The following FNBP1L variants were observed in gnomAD, a reference collection of about 807,000 sequenced individuals.
The protein encoded by FNBP1L is formin binding protein 1 like.
A neutral mutation model predicts 91.2 loss-of-function variants in FNBP1L; 36 were observed. That is an observed-to-expected ratio of 0.39 (90% confidence interval 0.30 to 0.52). The LOEUF is 0.52. FNBP1L is among the 20% of genes least tolerant of loss of function. The probability of loss-of-function intolerance (pLI) is 0.66; values close to 1 mark genes in which losing one functional copy is unlikely to be tolerated. For synonymous variants in FNBP1L, 242 were observed against 237.0 expected, an observed-to-expected ratio of 1.02 and a Z score of -0.19; for missense variants, 571 against 732.1, an observed-to-expected ratio of 0.78 and a Z score of 2.54.
At chr1:93,482,226 AT>A (rs1669733479) in intron 1 of FNBP1L, among the ~76,000 whole-genome samples, 1 of 151,964 alleles carries the variant, frequency 6.6e-6, no homozygotes, top group Non-Finnish European at 1.5e-5. Context: ...AACCCAAAAA[AT>A]TTTTTTGTTT....
intron 5 of FNBP1L, among the ~76,000 whole-genome samples, chr1:93,526,234 C>G (rs1374502324): frequency 1.3e-5 from 2 of 152,136 alleles, no homozygotes; most frequent in Non-Finnish European, 2.9e-5. Context: ...TTACAAGGCT[C>G]CAAGTAACAG....
At position 93,552,655 on chromosome 1, in the gene FNBP1L, C is replaced by T; in HGVS notation, c.*239C>T. The T allele has an allele frequency of 2.4e-6, 1 of 412,350 alleles. No individual in the cohort carries two copies. The highest frequency in any genetic ancestry group is 5.1e-4 in the Middle Eastern group (1 of 1,962). The allele number at this position is 412,350 out of a possible 1,614,324, so 25.5% of individuals were successfully genotyped here. A position where few individuals can be genotyped will look rare whatever the true frequency, so the allele number is the denominator to read the frequency against. On this transcript the variant is annotated 3_prime_UTR_variant, in exon 17 of 17. Coordinates refer to ENST00000271234, the MANE Select transcript of FNBP1L (RefSeq NM_001164473.3). ...TTATTCCCACAAAAGAAAAAGCCAACAATAGTGTACCATTTTTCTATTTAT... is the reference window on the plus strand; with the variant it reads ...TTATTCCCACAAAAGAAAAAGCCAATAATAGTGTACCATTTTTCTATTTAT...
At chr1:93,517,352 G>T (rs576945065) in intron 2 of FNBP1L, among the ~76,000 whole-genome samples, 1 of 151,794 alleles carries the variant, frequency 6.6e-6, no homozygotes, top group Non-Finnish European at 1.5e-5. Context: ...AAGAGACAGG[G>T]TCTCACTCTC....
intron 1 of FNBP1L, among the ~76,000 whole-genome samples, chr1:93,462,901 C>G (rs1668922207): frequency 6.6e-6 from 1 of 151,960 alleles, no homozygotes; most frequent in Admixed American, 6.6e-5. Context: ...AGTTATGCTC[C>G]CCTCCTTTAT....
intron 11 of FNBP1L, 46 bp downstream of exon 11, chr1:93,541,102 TCTCAAAACATTGTTTTGTTTAA>T: frequency 6.6e-7 from 1 of 1,511,592 alleles, no homozygotes; most frequent in Non-Finnish European, 8.9e-7. Flanking sequence ...CATTAAGTAA[TCTCAAAACATTGTTTTGTTTAA>T]TTCAAAACAA....
chr1:93,552,619 C>G lies in FNBP1L; in HGVS notation c.*203C>G. The G allele has an allele frequency of 2.2e-6, 1 of 458,064 alleles. No individual in the cohort carries two copies. Among genetic ancestry groups the G allele is most frequent in the East Asian group, 3.4e-5 (1 of 29,560 alleles). 28.4% of individuals were successfully genotyped at this position (458,064 alleles called of 1,614,324 possible). ...AATCATAATACCAACCCTTAAGTTC[C>G]TAGTTCACAGTTATTCCCACAAAAG... On this transcript the variant is annotated 3_prime_UTR_variant, in exon 17 of 17. Coordinates refer to ENST00000271234, the MANE Select transcript of FNBP1L (RefSeq NM_001164473.3).
At chr1:93,550,073 C>CG (rs1191938723) in intron 15 of FNBP1L, among the ~76,000 whole-genome samples, 9 of 152,330 alleles carry the variant, frequency 5.9e-5, no homozygotes, top group Non-Finnish European at 1.2e-4. Context: ...CTGAGCGACA[C>CG]TTTCATAAAT....
chr1:93,524,224 T>C, intron 4 of FNBP1L, 37 bp from the exon 5 acceptor site: 2 of 1,419,254 alleles, frequency 1.4e-6, no homozygotes, highest in Non-Finnish European at 1.8e-6. Flanking sequence ...TTTTATTTTT[T>C]ATTTTTATTT....
chr1:93,507,174 CA>C, intron 2 of FNBP1L, among the ~76,000 whole-genome samples: 1 of 148,580 alleles, frequency 6.7e-6, no homozygotes. Flanking sequence ...CTCCCTCCCC[CA>C]CCCCCCCAAA....
chr1:93,448,380 C>T (rs1034023270), intron 1 of FNBP1L, 75 bp downstream of exon 1: 4 of 1,430,074 alleles, frequency 2.8e-6, no homozygotes, highest in Non-Finnish European at 3.7e-6. Flanking sequence ...GCCGCGGACC[C>T]TCGGCGGTGA....
At chr1:93,502,827 G>T (rs1435238876) in intron 2 of FNBP1L, among the ~76,000 whole-genome samples, 3 of 152,208 alleles carry the variant, frequency 2.0e-5, no homozygotes, top group Non-Finnish European at 4.4e-5. Context: ...AGTATGAGGA[G>T]TAATGAAGAG....
At chr1:93,494,601 T>C (rs1570801469) in intron 1 of FNBP1L, among the ~76,000 whole-genome samples, 1 of 152,272 alleles carries the variant, frequency 6.6e-6, no homozygotes, top group East Asian at 1.9e-4. Context: ...AGGGGGTTAT[T>C]ATGAATAACA....
intron 2 of FNBP1L, among the ~76,000 whole-genome samples, chr1:93,520,539 C>T (rs958936797): frequency 1.3e-5 from 2 of 152,084 alleles, no homozygotes; most frequent in African/African-American, 4.8e-5. Flanking sequence ...TACAATTATT[C>T]CCAACTTCTG....
At chr1:93,542,044 T>G (rs1271592447) in intron 11 of FNBP1L, among the ~76,000 whole-genome samples, 1 of 152,172 alleles carries the variant, frequency 6.6e-6, no homozygotes, top group Non-Finnish European at 1.5e-5. Flanking sequence ...TTTCTTCATT[T>G]TATTCAATAA....
At chr1:93,498,210 C>A (rs771674029) in intron 1 of FNBP1L, among the ~76,000 whole-genome samples, 1 of 151,986 alleles carries the variant, frequency 6.6e-6, no homozygotes, top group Non-Finnish European at 1.5e-5. Context: ...GGAAGAGAAG[C>A]CTTTGAAGCA....
At chr1:93,535,923 C>T (rs1671832385) in intron 9 of FNBP1L, among the ~76,000 whole-genome samples, 1 of 151,822 alleles carries the variant, frequency 6.6e-6, no homozygotes, top group African/African-American at 2.4e-5. Context: ...TAATCAGTTA[C>T]AGTTTTAATA....
At position 93,548,695 on chromosome 1, in the gene FNBP1L, C is replaced by A. The variant is rs369029223; in HGVS notation, c.1503-583C>A. Among the ~76,000 whole-genome samples the A allele has an allele frequency of 4.6e-5, 7 of 152,046 alleles. No individual in the cohort carries two copies. The East Asian group carries it at 7.7e-4, about 17-fold the overall frequency. ...CTGTGTTGGCTTCCTTTTAAGGCTC[C>A]AAAGCTCTAGGCGAGTATTCCTGCA... On this transcript the variant is annotated intron_variant, in intron 14 of 16. Transcript: ENST00000271234.
At chr1:93,461,779 G>T (rs1354946161) in intron 1 of FNBP1L, among the ~76,000 whole-genome samples, 1 of 152,170 alleles carries the variant, frequency 6.6e-6, no homozygotes, top group Non-Finnish European at 1.5e-5. Flanking sequence ...TGATGGCTTT[G>T]TAGAGGGAAA....
Position 93,530,844 on chromosome 1 carries a change from A to G in FNBP1L, c.600A>G (p.Gln200=). ...AAQLQNFNGE[Q]HKHFYVVIPQ... is the part of the protein sequence containing the mutation. ...AATTACAAAACTTTAATGGAGAACA[A>G]CATAAACATTTTTATGTAGTGATTC... The change falls in exon 7 of 17, where the codon CAA becomes CAG. Residue 200 remains glutamine (Q), a synonymous_variant. Transcript: ENST00000271234. 1 of 1,555,386 alleles carries G rather than the reference A, an allele frequency of 6.4e-7. No homozygotes were observed. The highest frequency in any genetic ancestry group is 1.2e-5 in the South Asian group (1 of 84,124).
Sources: gnomAD v4.1 joint callset for allele counts (sites outside exome capture counted in the v4.1 genomes callset) on GRCh38, gnomAD v4.1.1 for gene constraint, MANE v1.5 for transcripts, NCBI Gene and HGNC (gene_info 2026-07-23, HGNC 2026-07-21) for gene names.